The following BRWD1 variants were observed in gnomAD, a reference collection of about 807,000 sequenced individuals.
BRWD1 encodes bromodomain and WD repeat-containing protein 1.
A neutral mutation model predicts 251.2 loss-of-function variants in BRWD1; 82 were observed. That is an observed-to-expected ratio of 0.33 (90% CI 0.27 to 0.39). The LOEUF (loss-of-function observed/expected upper bound fraction) is 0.39. Ranked by LOEUF, BRWD1 falls within the 10% of genes least tolerant of loss-of-function variation. The pLI is 1.00. For synonymous variants in BRWD1, 918 were observed against 902.8 expected (o/e 1.02, Z -0.30); for missense variants, 2,233 against 2,711.6 (o/e 0.82, Z 3.92).
chr21:39,295,942 C>A, intron 6 of BRWD1, 39 bp from the exon 7 acceptor site: 1 of 1,466,936 alleles, frequency 6.8e-7, no homozygotes, highest in Non-Finnish European at 9.1e-7. Flanking sequence ...AAGGGAGAGC[C>A]AATAAGGAAA....
At chr21:39,258,728 T>A (rs923565661) in intron 17 of BRWD1, 56 bp from the exon 18 acceptor site, 102 of 1,285,180 alleles carry the variant, frequency 7.9e-5, no homozygotes, top group Non-Finnish European at 8.7e-5. Context: ...CAAAAAAAAA[T>A]TTCGTTAGGG....
At chr21:39,239,404 C>A (rs2033916685) in intron 21 of BRWD1, among the ~76,000 whole-genome samples, 1 of 152,076 alleles carries the variant, frequency 6.6e-6, no homozygotes, top group Admixed American at 6.6e-5. Context: ...ATGTGAATGT[C>A]CAGTTATTCT....
At chr21:39,265,269 C>CA (rs1387450499) in intron 15 of BRWD1, among the ~76,000 whole-genome samples, 1 of 151,822 alleles carries the variant, frequency 6.6e-6, no homozygotes. Context: ...ACTAAAAATA[C>CA]AAAAAATTAG....
chr21:39,254,409 A>C (rs146517477), intron 19 of BRWD1, among the ~76,000 whole-genome samples: 142 of 49,682 alleles, frequency 2.9e-3, no homozygotes, highest in African/African-American at 0.012. Context: ...TCATTTTGAA[A>C]GGACAGGGAG....
intron 21 of BRWD1, among the ~76,000 whole-genome samples, chr21:39,244,921 A>AATATATATATATATAT (rs56801824): frequency 0.027 from 3,008 of 112,054 alleles, 125 homozygotes; most frequent in African/African-American, 0.041. Flanking sequence ...CTTTGGAAGA[A>AATATATATATATATAT]ATATATATAT....
rs941731052 is a variant in BRWD1 at position 39,313,526 on chromosome 21, G to A, written c.-35C>T. On this transcript the variant is annotated 5_prime_UTR_variant, in exon 1 of 41. Transcript: ENST00000342449. ...CGGGGCGGGAGGCGGGAGCGAGCGA[G>A]CGAGCGGAGCGTGTAGGCCGCGCCG... The A allele has an allele frequency of 4.5e-6, 6 of 1,328,074 alleles. No individual in the cohort carries two copies. The highest frequency in any genetic ancestry group is 6.3e-5 in the East Asian group (2 of 31,848). The allele number at this position is 1,328,074 out of a possible 1,614,324, so 82.3% of individuals were successfully genotyped here.
chr21:39,288,832 AGAG>A (rs1232904934), intron 8 of BRWD1, among the ~76,000 whole-genome samples: 1 of 152,218 alleles, frequency 6.6e-6, no homozygotes, highest in African/African-American at 2.4e-5. Context: ...AATAGGCTGA[AGAG>A]GAGGAGGAGG....
At chr21:39,316,512 T>C (rs1207404352), upstream of BRWD1, among the ~76,000 whole-genome samples, 1 of 152,236 alleles carries the variant, frequency 6.6e-6, no homozygotes, top group African/African-American at 2.4e-5. Context: ...GTTGTGCATT[T>C]CATTTTGTAA....
intron 31 of BRWD1, 25 bp from the exon 32 acceptor site, chr21:39,215,387 G>A: frequency 1.3e-6 from 2 of 1,593,896 alleles, no homozygotes; most frequent in South Asian, 1.1e-5. Flanking sequence ...AGACAATTTA[G>A]GGCTTAGAAA....
chr21:39,247,141 G>T (rs1306869873), intron 21 of BRWD1, among the ~76,000 whole-genome samples: 4 of 152,010 alleles, frequency 2.6e-5, no homozygotes, highest in Admixed American at 1.3e-4. Context: ...AAAAGAAAAT[G>T]TATCAGTGAT....
At chr21:39,207,646 T>C (rs2032469409) in intron 36 of BRWD1, among the ~76,000 whole-genome samples, 1 of 152,164 alleles carries the variant, frequency 6.6e-6, no homozygotes, top group African/African-American at 2.4e-5. Flanking sequence ...GCAATTCTAC[T>C]CTTAGGTCTA....
intron 28 of BRWD1, 49 bp from the exon 29 acceptor site, chr21:39,224,518 G>T: frequency 8.2e-7 from 1 of 1,213,124 alleles, no homozygotes; most frequent in Non-Finnish European, 1.2e-6. Flanking sequence ...AAAACAAAAT[G>T]TGGATAATAG....
intron 8 of BRWD1, among the ~76,000 whole-genome samples, chr21:39,281,150 T>G (rs899143942): frequency 6.6e-6 from 1 of 152,100 alleles, no homozygotes; most frequent in Non-Finnish European, 1.5e-5. Flanking sequence ...ATGGGGTAAA[T>G]GAATAGAGAA....
chr21:39,199,118 A>T lies in BRWD1; in HGVS notation c.5298T>A (p.Asp1766Glu), dbSNP rs1347335676. ...GGCCAGCAGTTCTGTTACATGCATG[A>T]TCTGAATCATGACTTTTAGAGTCTT... ...SEEDSKSHDSDHACNRTAGPS... is the reference protein window; with the variant it reads ...SEEDSKSHDSEHACNRTAGPS... Residue 1766 changes from aspartate to glutamate, a missense_variant, in exon 40 of 41, where the codon GAT (aspartate) becomes GAA (glutamate). Coordinates refer to ENST00000342449, the MANE Select transcript of BRWD1 (RefSeq NM_033656.4). 6.2e-7 allele frequency: 1 copy of T among 1,613,862 alleles called. No individual in the cohort carries two copies. The highest frequency in any genetic ancestry group is 8.5e-7 in the Non-Finnish European group (1 of 1,179,996).
Position 39,296,357 on chromosome 21 carries a change from C to G in BRWD1, c.356G>C (p.Arg119Thr). 6.4e-7 allele frequency: 1 copy of G among 1,564,752 alleles called. No homozygotes were observed. Among genetic ancestry groups the G allele is most frequent in the Non-Finnish European group, 8.6e-7 (1 of 1,161,186 alleles). The part of the protein sequence containing the change: ...QSLLRTAKDC[R>T]HTVWKGSAFA... The stretch of plus-strand genomic sequence containing the variant: ...GGCAGAGCCCTTCCAAACTGTGTGC[C>G]TGCAGTCTTTAAAATGAATTTTAGA... The change falls in exon 6 of 41, where the codon AGG becomes ACG. Residue 119 changes from arginine to threonine, a missense_variant. By Grantham distance (71) the Arg-to-Thr change is moderately conservative (BLOSUM62 -1). Around this residue, in one of 12 missense-constraint regions of BRWD1, gnomAD observed 185 missense variants for 260.6 expected, o/e 0.71. Coordinates refer to ENST00000342449, the MANE Select transcript of BRWD1 (RefSeq NM_033656.4).
At chr21:39,312,815 G>T (rs757995943) in intron 4 of BRWD1, 26 bp downstream of exon 4, 2 of 1,583,326 alleles carry the variant, frequency 1.3e-6, no homozygotes, top group South Asian at 2.3e-5. Flanking sequence ...CGGAAAACCC[G>T]GGGAGCAAAC....
chr21:39,247,852 G>A lies in BRWD1; in HGVS notation c.2350-20C>T. The A allele has an allele frequency of 6.3e-7, 1 of 1,577,316 alleles. No homozygotes were observed. Among genetic ancestry groups the A allele is most frequent in the Non-Finnish European group, 8.6e-7 (1 of 1,162,848 alleles). On this transcript the variant is annotated intron_variant, in intron 20 of 40. Coordinates refer to ENST00000342449, the MANE Select transcript of BRWD1 (RefSeq NM_033656.4). ...ATCCGACTGAAACACAGAAAAACAT[G>A]CGAATGAAAATCAACACCTAAATAA...
chr21:39,220,267 G>C (rs967756095), intron 29 of BRWD1, among the ~76,000 whole-genome samples: 15 of 152,136 alleles, frequency 9.9e-5, no homozygotes, highest in Non-Finnish European at 1.8e-4. Flanking sequence ...AGAACCAAAT[G>C]AAAGTTCTGT....
In BRWD1 at chr21:39,284,168, T is replaced by C. The variant is rs140901464; in HGVS notation, c.832-3920A>G. Among the ~76,000 whole-genome samples, 15 of 152,354 alleles carry C rather than the reference T, an allele frequency of 9.8e-5. 1 individual carries two copies. Among genetic ancestry groups the C allele is most frequent in the African/African-American group, 3.1e-4 (13 of 41,584 alleles). Reference sequence around the variant, plus strand: ...GTATTATTTATTTTCTTTGGATATATAGCCAATCTTTTTTTGTGAAGAACC... The same window carrying C: ...GTATTATTTATTTTCTTTGGATATACAGCCAATCTTTTTTTGTGAAGAACC... On this transcript the variant is annotated intron_variant, in intron 8 of 40. Transcript: ENST00000342449.
Sources: allele counts gnomAD v4.1 joint callset (sites outside exome capture counted in the v4.1 genomes callset), GRCh38; gene constraint gnomAD v4.1.1; regional missense constraint gnomAD v4.1.1; transcripts MANE v1.5; gene names NCBI Gene and HGNC (gene_info 2026-07-23, HGNC 2026-07-21).